Variants in MYO5B observed in about 807,000 individuals in gnomAD.
The protein encoded by MYO5B is myosin VB.
In MYO5B, 143 loss-of-function variants were observed where a neutral mutation model predicts 229.3. The observed-to-expected ratio is 0.62, with a 90% CI of 0.54 to 0.72. MYO5B has a LOEUF of 0.72. MYO5B is among the 30% of genes least tolerant of loss of function. The pLI is 0.00. For missense variants in MYO5B, 2,321 were observed against 2,331.0 expected (o/e 1.00, Z 0.09); for synonymous variants, 918 against 885.2 (o/e 1.04, Z -0.66).
intron 1 of MYO5B, among the ~76,000 whole-genome samples, chr18:50,109,721 C>T (rs766744176): frequency 2.6e-5 from 4 of 152,164 alleles, no homozygotes; most frequent in African/African-American, 7.2e-5. Context: ...CCACCACGAC[C>T]AGCGGTCATG....
rs2025571315 is a variant in MYO5B, at chr18:49,962,514, C to A, written c.1405-108G>T. ...GTTCTGGAGGACAGCAGAGAACTGC[C>A]AGATAAGGTTTGGATGCTAAGTCAT... is the stretch of plus-strand genomic sequence containing the variant. On this transcript the variant is annotated intron_variant, in intron 11 of 39. Coordinates refer to ENST00000285039, the MANE Select transcript of MYO5B (RefSeq NM_001080467.3). 2.0e-6 allele frequency: 3 copies of A among 1,474,546 alleles called. No homozygotes were observed. The African/African-American group carries it at 4.2e-5, about 21-fold the overall frequency. The allele number at this position is 1,474,546 out of a possible 1,614,324, so 91.3% of individuals were successfully genotyped here.
intron 1 of MYO5B, among the ~76,000 whole-genome samples, chr18:50,105,845 ACAGC>A (rs1161683448): frequency 2.0e-5 from 3 of 152,094 alleles, no homozygotes; most frequent in Non-Finnish European, 4.4e-5. Flanking sequence ...GAGCACCACT[ACAGC>A]CCTCCCAGCT....
intron 1 of MYO5B, among the ~76,000 whole-genome samples, chr18:50,148,598 A>C (rs1887396522): frequency 6.6e-6 from 1 of 152,254 alleles, no homozygotes; most frequent in African/African-American, 2.4e-5. Context: ...TGATTATCTC[A>C]ATAGATGCAG....
chr18:50,034,538 G>C (rs1476530096), intron 4 of MYO5B, among the ~76,000 whole-genome samples: 1 of 152,152 alleles, frequency 6.6e-6, no homozygotes, highest in African/African-American at 2.4e-5. Flanking sequence ...GAGGTCAGAA[G>C]TTCGAGGCCA....
At chr18:50,005,537 A>G (rs960792260) in intron 4 of MYO5B, among the ~76,000 whole-genome samples, 3 of 152,164 alleles carry the variant, frequency 2.0e-5, no homozygotes. Flanking sequence ...CAGCTTCCCA[A>G]GTAGCTAGTA....
intron 4 of MYO5B, among the ~76,000 whole-genome samples, chr18:50,034,102 C>G (rs2026421526): frequency 6.6e-6 from 1 of 152,184 alleles, no homozygotes. Flanking sequence ...AGACTGAAAA[C>G]TATTAATGTT....
intron 17 of MYO5B, among the ~76,000 whole-genome samples, chr18:49,912,990 T>C (rs575561014): frequency 6.9e-4 from 105 of 152,366 alleles, no homozygotes; most frequent in Non-Finnish European, 1.2e-3. Flanking sequence ...CCTGGAGAGA[T>C]AACATGGTTT....
chr18:50,083,594 AC>A (rs1378677681), intron 1 of MYO5B, among the ~76,000 whole-genome samples: 2 of 152,212 alleles, frequency 1.3e-5, no homozygotes, highest in African/African-American at 4.8e-5. Flanking sequence ...TGCATGTGAC[AC>A]GTGGGCATCA....
At chr18:50,105,713 C>CA (rs1230235114) in intron 1 of MYO5B, among the ~76,000 whole-genome samples, 1 of 151,866 alleles carries the variant, frequency 6.6e-6, no homozygotes, top group African/African-American at 2.4e-5. Flanking sequence ...CGAAACTCCC[C>CA]AAAAAGGTTA....
At chr18:50,001,209 G>A (rs2026042975) in intron 5 of MYO5B, 46 bp downstream of exon 5, 2 of 1,612,724 alleles carry the variant, frequency 1.2e-6, no homozygotes, top group Non-Finnish European at 1.7e-6. Flanking sequence ...TGCTGCCAGT[G>A]GGAGGAGCTC....
chr18:50,093,469 G>A (rs557120270), intron 1 of MYO5B, among the ~76,000 whole-genome samples: 1 of 152,304 alleles, frequency 6.6e-6, no homozygotes, highest in African/African-American at 2.4e-5. Flanking sequence ...TGTTCAGTGG[G>A]ATGTTAACAA....
At chr18:49,925,669 G>T (rs1269447551) in intron 17 of MYO5B, among the ~76,000 whole-genome samples, 2 of 152,190 alleles carry the variant, frequency 1.3e-5, no homozygotes, top group African/African-American at 4.8e-5. Flanking sequence ...AGATACAAGA[G>T]CCAGAAGCAG....
At chr18:50,156,261 T>C (rs2032676871) in intron 1 of MYO5B, among the ~76,000 whole-genome samples, 1 of 152,228 alleles carries the variant, frequency 6.6e-6, no homozygotes, top group African/African-American at 2.4e-5. Flanking sequence ...GTAAGATTAC[T>C]GTTTCAAGAT....
intron 36 of MYO5B, 60 bp from the exon 37 acceptor site, chr18:49,837,862 C>A: frequency 6.3e-7 from 1 of 1,583,838 alleles, no homozygotes; most frequent in South Asian, 1.1e-5. Context: ...AAAGATTGGA[C>A]CACTCAAATC....
intron 28 of MYO5B, 141 bp downstream of exon 28, chr18:49,864,000 C>T: frequency 2.3e-6 from 3 of 1,296,824 alleles, no homozygotes; most frequent in Non-Finnish European, 3.2e-6. Flanking sequence ...TTTTGCTCTG[C>T]CTTTTTGGAG....
chr18:49,934,610 C>T (rs12962880), intron 16 of MYO5B, among the ~76,000 whole-genome samples: 1 of 152,128 alleles, frequency 6.6e-6, no homozygotes, highest in Non-Finnish European at 1.5e-5. Context: ...GCCCTTCACA[C>T]AGAATCTGAG....
intron 12 of MYO5B, among the ~76,000 whole-genome samples, chr18:49,955,446 A>T (rs2025482084): frequency 1.3e-5 from 2 of 152,218 alleles, no homozygotes; most frequent in Non-Finnish European, 2.9e-5. Flanking sequence ...GTGACGGGTC[A>T]CTAACTGACC....
rs1427462792 is a variant in MYO5B, at chr18:50,002,794, C to T, written c.456-1383G>A. Among the ~76,000 whole-genome samples the T allele has an allele frequency of 2.0e-5, 3 of 152,156 alleles. No homozygotes were observed. In the East Asian group the frequency reaches 5.8e-4, roughly 29 times the overall value. ...CTTAGCTCTCAACTAATCTAACTCC[C>T]TTCTTTTCCATATGAGGACAGGTTT... On this transcript the variant is annotated intron_variant, in intron 4 of 39. Coordinates refer to ENST00000285039, the MANE Select transcript of MYO5B (RefSeq NM_001080467.3).
At chr18:49,867,455 T>C in intron 27 of MYO5B, among the ~76,000 whole-genome samples, 1 of 151,680 alleles carries the variant, frequency 6.6e-6, no homozygotes, top group East Asian at 2.0e-4. Flanking sequence ...GATGTGTGGG[T>C]GGGTGGGGGT....
Sources: allele counts gnomAD v4.1 joint callset (sites outside exome capture counted in the v4.1 genomes callset), GRCh38; gene constraint gnomAD v4.1.1; transcripts MANE v1.5; gene names NCBI Gene and HGNC (gene_info 2026-07-23, HGNC 2026-07-21).